TM7SF3: variants seen among roughly 807,000 people sequenced by gnomAD.
TM7SF3 encodes seven span transmembrane protein.
A neutral mutation model predicts 65.5 loss-of-function variants in TM7SF3; 60 were observed. The observed-to-expected ratio is 0.92, with a 90% CI of 0.74 to 1.14. The LOEUF is 1.14. Among genes scored for constraint, TM7SF3 ranks in the 50% most tolerant of loss-of-function variants. The pLI, the probability that TM7SF3 is intolerant of heterozygous loss-of-function variation, is 0.00. For missense variants in TM7SF3, 623 were observed against 684.8 expected (o/e 0.91, Z 1.01); for synonymous variants, 264 against 259.6 (o/e 1.02, Z -0.16).
chr12:27,011,917 T>C (rs566857196), intron 1 of TM7SF3, among the ~76,000 whole-genome samples: 1 of 152,366 alleles, frequency 6.6e-6, no homozygotes, highest in South Asian at 2.1e-4. Context: ...TAAAAATTTC[T>C]AGGTATTAAA....
rs143292105 is a variant in TM7SF3 at position 26,985,216 on chromosome 12, G to A, written c.869-2357C>T. Among the ~76,000 whole-genome samples the A allele has an allele frequency of 2.3e-3, 351 of 152,262 alleles. 1 individual carries two copies. The highest frequency in any genetic ancestry group is 3.9e-3 in the Admixed American group (59 of 15,288). ...TCAGTCCATCGGTTAAAAATATATG[G>A]CCAGGCGCAGTGGCTCACGCCTGTA... On this transcript the variant is annotated intron_variant, in intron 6 of 11. Coordinates refer to ENST00000343028, the MANE Select transcript of TM7SF3 (RefSeq NM_016551.3).
chr12:26,988,672 TTG>T (rs147021582), intron 6 of TM7SF3, among the ~76,000 whole-genome samples: 54,073 of 145,986 alleles, frequency 0.37, 10,581 homozygotes, highest in African/African-American at 0.53. Context: ...GAGAAGAAAA[TTG>T]TGTGTGTGTG....
At chr12:27,000,001 G>A (rs1259882998) in intron 2 of TM7SF3, among the ~76,000 whole-genome samples, 1 of 152,122 alleles carries the variant, frequency 6.6e-6, no homozygotes. Flanking sequence ...CAACACAGTC[G>A]GGTTCTGATG....
Position 26,982,817 on chromosome 12 carries a change from A to T in TM7SF3, c.911T>A (p.Leu304His). The change falls in exon 7 of 12, where the codon CTT (leucine) becomes CAT (histidine). Residue 304 changes from leucine to histidine, a missense_variant. By Grantham distance (99) the Leu-to-His change is moderately conservative. Transcript: ENST00000343028. ...SKVFFTLFALLGFFICFFGHR... is the reference protein window; with the variant it reads ...SKVFFTLFALHGFFICFFGHR... ...TCCAAAGAAACAAATGAAGAAACCA[A>T]GCAGGGCAAAAAGAGTGAAGAACAC... The T allele has an allele frequency of 6.2e-7, 1 of 1,610,844 alleles. No homozygotes were observed. Among genetic ancestry groups the T allele is most frequent in the Admixed American group, 1.7e-5 (1 of 59,254 alleles).
chr12:26,991,266 C>T (rs1288356090), intron 5 of TM7SF3, among the ~76,000 whole-genome samples: 2 of 150,910 alleles, frequency 1.3e-5, no homozygotes, highest in Non-Finnish European at 2.9e-5. Flanking sequence ...CATTCTCCTG[C>T]CTCAGCCTCC....
intron 1 of TM7SF3, among the ~76,000 whole-genome samples, chr12:27,004,518 A>T (rs1479607814): frequency 1.3e-5 from 2 of 152,184 alleles, no homozygotes; most frequent in Non-Finnish European, 2.9e-5. Context: ...CAGATACTAA[A>T]TAACTTAATA....
chr12:26,999,206 C>T (rs958598671), intron 3 of TM7SF3, among the ~76,000 whole-genome samples: 27 of 152,008 alleles, frequency 1.8e-4, no homozygotes, highest in Admixed American at 3.9e-4. Context: ...ACCAGCCTGG[C>T]CAACATGGTG....
chr12:27,008,259 G>C (rs1050752995), intron 1 of TM7SF3, among the ~76,000 whole-genome samples: 2 of 152,118 alleles, frequency 1.3e-5, no homozygotes, highest in African/African-American at 4.8e-5. Context: ...ATCTCATTGT[G>C]ATTTTAATTC....
At position 27,012,912 on chromosome 12, in the gene TM7SF3, T is replaced by C. The variant is rs565320060; in HGVS notation, c.91+1166A>G. 7.2e-4 allele frequency: 250 copies of C among 346,572 alleles called. 1 individual carries two copies. The highest frequency in any genetic ancestry group is 3.8e-4 in the Non-Finnish European group (68 of 177,616). 21.5% of individuals were successfully genotyped at this position (346,572 alleles called of 1,614,324 possible). On this transcript the variant is annotated intron_variant, in intron 1 of 11. Transcript: ENST00000343028. The stretch of plus-strand genomic sequence containing the variant: ...ACTCTGGAGGCTGAGGCAGGAGAAT[T>C]GCTTGAACCCGGGTGTCGGAGGTTG...
At position 26,974,204 on chromosome 12, in the gene TM7SF3, C is replaced by T. The variant is rs1013645441; in HGVS notation, c.1474G>A (p.Gly492Ser). 5.6e-6 allele frequency: 9 copies of T among 1,613,972 alleles called. 1 individual carries two copies. The African/African-American group carries it at 6.7e-5, about 12-fold the overall frequency. The part of the protein sequence containing the change: ...TNDFIILAVW[G>S]MLAVSGITLQ... ...GTAATTCCACTTACAGCCAGCATGCCCCATACTGCCAGGATAATGAAGTCT... is the reference window on the plus strand; with the variant it reads ...GTAATTCCACTTACAGCCAGCATGCTCCATACTGCCAGGATAATGAAGTCT... The change falls in exon 12 of 12, where the codon GGC becomes AGC. Residue 492 changes from glycine (G) to serine (S), a missense_variant. By Grantham distance (56) the Gly-to-Ser change is moderately conservative. Coordinates refer to ENST00000343028, the MANE Select transcript of TM7SF3 (RefSeq NM_016551.3).
At chr12:27,013,763 C>T (rs117653050) in intron 1 of TM7SF3, among the ~76,000 whole-genome samples, 6,161 of 152,228 alleles carry the variant, frequency 0.04, 173 homozygotes, top group Middle Eastern at 0.085. Flanking sequence ...AGCAAAGAGG[C>T]GCTTTAGTAA....
chr12:26,986,964 G>A (rs1940127173), intron 6 of TM7SF3, among the ~76,000 whole-genome samples: 3 of 152,024 alleles, frequency 2.0e-5, no homozygotes, highest in Admixed American at 2.0e-4. Context: ...TTACCAATCT[G>A]GCTGCAGCTT....
In TM7SF3 at chr12:26,979,870, C is replaced by A. The variant is rs749811065; in HGVS notation, c.1103G>T (p.Arg368Leu). ...CATGCAGATCGAGAGGATTCCAAAT[C>A]GCCACCACACAGCTACCAAGAACAT... ...GGMFLVAVWW[R>L]FGILSICMLC... Residue 368 changes from arginine to leucine, a missense_variant, in exon 9 of 12, where the codon CGA (arginine) becomes CTA (leucine). Arg to Leu is a moderately radical substitution (Grantham distance 102). Transcript: ENST00000343028. 6.2e-7 allele frequency: 1 copy of A among 1,614,172 alleles called. No homozygotes were observed. The highest frequency in any genetic ancestry group is 8.5e-7 in the Non-Finnish European group (1 of 1,180,022).
chr12:26,999,123 G>T (rs1940720623), intron 3 of TM7SF3, among the ~76,000 whole-genome samples: 2 of 152,142 alleles, frequency 1.3e-5, no homozygotes, highest in Non-Finnish European at 2.9e-5. Context: ...TAGGCTGGGC[G>T]CAGTGGCTCA....
At chr12:27,013,127 T>C (rs899054766) in intron 1 of TM7SF3, 2 of 170,824 alleles carry the variant, frequency 1.2e-5, no homozygotes, top group African/African-American at 4.8e-5. Flanking sequence ...TTGATTCTTG[T>C]TTTTCTCATT....
intron 6 of TM7SF3, among the ~76,000 whole-genome samples, chr12:26,988,422 C>T (rs189558356): frequency 2.6e-5 from 4 of 152,134 alleles, no homozygotes; most frequent in South Asian, 4.1e-4. Context: ...TCTTGACCTC[C>T]CAATGTGCTG....
chr12:26,992,380 G>C (rs549187274), intron 5 of TM7SF3, among the ~76,000 whole-genome samples: 4 of 152,084 alleles, frequency 2.6e-5, no homozygotes, highest in African/African-American at 9.6e-5. Context: ...CCAGGTTCAC[G>C]CCATTCTCCT....
intron 6 of TM7SF3, among the ~76,000 whole-genome samples, chr12:26,988,292 T>C (rs915416693): frequency 3.3e-5 from 5 of 152,056 alleles, no homozygotes; most frequent in Admixed American, 2.6e-4. Context: ...GACTACCAAG[T>C]AGCTGGAACG....
intron 6 of TM7SF3, among the ~76,000 whole-genome samples, chr12:26,984,916 C>T (rs1939976791): frequency 6.6e-6 from 1 of 152,088 alleles, no homozygotes; most frequent in African/African-American, 2.4e-5. Context: ...GGTTATGAAC[C>T]ACAGGGCAAG....
Sources: gnomAD v4.1 joint callset for allele counts (sites outside exome capture counted in the v4.1 genomes callset) on GRCh38, gnomAD v4.1.1 for gene constraint, MANE v1.5 for transcripts, NCBI Gene and HGNC (gene_info 2026-07-23, HGNC 2026-07-21) for gene names.